The following DDA1 variants were observed in gnomAD, a reference collection of about 807,000 sequenced individuals.
DDA1 encodes the protein DET1 and DDB1 associated 1.
Under a neutral mutation model 18.6 loss-of-function variants are expected in DDA1, and 3 were observed. That is an observed-to-expected ratio of 0.16 (90% CI 0.07 to 0.42). DDA1 has a LOEUF of 0.42. Among genes scored for constraint, DDA1 ranks in the 10% least tolerant of loss-of-function variants. The probability of loss-of-function intolerance (pLI) is 0.99; values close to 1 mark genes in which losing one functional copy is unlikely to be tolerated. For missense variants in DDA1, 105 were observed against 138.2 expected, an observed-to-expected ratio of 0.76 and a Z score of 1.20; for synonymous variants, 52 against 54.0, an observed-to-expected ratio of 0.96 and a Z score of 0.17.
chr19:17,315,659 G>A, intron 3 of DDA1: 1 of 512,936 alleles, frequency 1.9e-6, no homozygotes, highest in Non-Finnish European at 3.5e-6. Flanking sequence ...CTCCTAGTCA[G>A]CCTGGGAGAA....
intron 4 of DDA1, among the ~76,000 whole-genome samples, chr19:17,316,752 C>T (rs1215943945): frequency 1.4e-5 from 2 of 142,508 alleles, no homozygotes; most frequent in African/African-American, 5.3e-5. Flanking sequence ...CTGGTGGGCG[C>T]CTGTAGTCCC....
chr19:17,315,295 T>C (rs35252035), intron 3 of DDA1, among the ~76,000 whole-genome samples: 492 of 31,730 alleles, frequency 0.016, 158 homozygotes, highest in African/African-American at 0.028. Context: ...ACTATATATA[T>C]ACACACGTGT....
At position 17,314,618 on chromosome 19, in the gene DDA1, C is replaced by G. The variant is rs149469579; in HGVS notation, c.136+229C>G. 5.7e-4 allele frequency: 325 copies of G among 569,614 alleles called. No individual in the cohort carries two copies. The highest frequency in any genetic ancestry group is 5.6e-3 in the African/African-American group (299 of 53,114). The allele number at this position is 569,614 out of a possible 1,614,324, so 35.3% of individuals were successfully genotyped here. A position where few individuals can be genotyped will look rare whatever the true frequency, so the allele number is the denominator to read the frequency against. Reference sequence around the variant, plus strand: ...GGATGCACACGTGGATGCCTGTCCACTCCCAGCCCCTGGGGACAGCCAGAA... The same window carrying G: ...GGATGCACACGTGGATGCCTGTCCAGTCCCAGCCCCTGGGGACAGCCAGAA... On this transcript the variant is annotated intron_variant, in intron 3 of 4. Transcript: ENST00000359866. The surrounding 1 kb of genome is among the most constrained non-coding windows in gnomAD (Gnocchi z 4.6).
intron 1 of DDA1, among the ~76,000 whole-genome samples, chr19:17,311,166 GTT>G (rs369590586): frequency 2.7e-5 from 4 of 145,768 alleles, no homozygotes; most frequent in East Asian, 2.0e-4. Flanking sequence ...GAAGGAGGTT[GTT>G]TTTTTTTTTT....
At position 17,315,908 on chromosome 19, in the gene DDA1, C is replaced by T. The variant is rs748906740; in HGVS notation, c.137-26C>T. The T allele has an allele frequency of 4.3e-5, 69 of 1,613,298 alleles. 1 individual carries two copies. In the South Asian group the frequency reaches 6.3e-4, roughly 15 times the overall value. ...GGAGCCTGGGGAGGGGAGGCGTCTG[C>T]GACTTTCTCTATCTTTCCTCCTTAG... is the stretch of plus-strand genomic sequence containing the variant. On this transcript the variant is annotated intron_variant, in intron 3 of 4. Coordinates refer to ENST00000359866, the MANE Select transcript of DDA1 (RefSeq NM_024050.6).
rs563793988 is a variant in DDA1, at chr19:17,320,619, C to T, written c.*963C>T. The T allele has an allele frequency of 1.8e-3, 274 of 152,744 alleles. 2 individuals carry two copies. The highest frequency in any genetic ancestry group is 1.4e-3 in the Non-Finnish European group (99 of 68,336). 9.5% of individuals were successfully genotyped at this position (152,744 alleles called of 1,614,324 possible). A position where few individuals can be genotyped will look rare whatever the true frequency, so the allele number is the denominator to read the frequency against. On this transcript the variant is annotated 3_prime_UTR_variant, in exon 5 of 5. Coordinates refer to ENST00000359866, the MANE Select transcript of DDA1 (RefSeq NM_024050.6). ...ACCTGTCAGACACCGCAGAGATGGC[C>T]GGCCTCATCCGGGGGCCTGGGGTCT... is the stretch of plus-strand genomic sequence containing the variant.
chr19:17,315,830 T>C, intron 3 of DDA1, 104 bp from the exon 4 acceptor site: 1 of 1,039,080 alleles, frequency 9.6e-7, no homozygotes, highest in Non-Finnish European at 1.5e-6. Context: ...TCTCTGGAGT[T>C]GGGGGTACTG....
intron 4 of DDA1, among the ~76,000 whole-genome samples, chr19:17,318,652 C>A (rs1336544049): frequency 6.6e-6 from 1 of 152,036 alleles, no homozygotes; most frequent in Non-Finnish European, 1.5e-5. Flanking sequence ...CAGGTGTGAG[C>A]CACCGCGCCT....
chr19:17,310,530 A>G (rs2074174270), intron 1 of DDA1, among the ~76,000 whole-genome samples: 1 of 151,982 alleles, frequency 6.6e-6, no homozygotes, highest in South Asian at 2.1e-4. Context: ...CCTCTCCACA[A>G]CCCCCATTAG....
intron 1 of DDA1, among the ~76,000 whole-genome samples, chr19:17,310,851 T>C (rs149521265): frequency 5.2e-4 from 79 of 152,340 alleles, no homozygotes; most frequent in Non-Finnish European, 7.8e-4. Context: ...TTGCAGGTAC[T>C]GCCACTTCCC....
intron 4 of DDA1, among the ~76,000 whole-genome samples, chr19:17,317,193 G>T (rs2074217391): frequency 6.6e-6 from 1 of 152,046 alleles, no homozygotes. Context: ...CCACTGCACT[G>T]CAGCCTGGGC....
Position 17,314,707 on chromosome 19 carries a change from G to T in DDA1, c.136+318G>T, listed in dbSNP as rs1409368215. ...TGGGATCCACAGCCAGCCCAAAGGG[G>T]CCCCCAAGTTGTCCCTCATCTGCCA... On this transcript the variant is annotated intron_variant, in intron 3 of 4. Coordinates refer to ENST00000359866, the MANE Select transcript of DDA1 (RefSeq NM_024050.6). This position sits in a 1 kb window ranked among gnomAD's most constrained non-coding sequence, Gnocchi z 4.6. The T allele has an allele frequency of 2.5e-6, 1 of 398,738 alleles. No homozygotes were observed. The highest frequency in any genetic ancestry group is 2.1e-5 in the African/African-American group (1 of 48,776). The allele number at this position is 398,738 out of a possible 1,614,324, so 24.7% of individuals were successfully genotyped here.
chr19:17,309,732 T>TC, intron 1 of DDA1, 75 bp downstream of exon 1: 1 of 1,571,334 alleles, frequency 6.4e-7, no homozygotes, highest in Non-Finnish European at 8.7e-7. Context: ...ACCTCTAGTA[T>TC]CCCCCTAGGC....
Position 17,315,200 on chromosome 19 carries a change from TACACACGTGTATATACACACAC to T in DDA1, c.137-733_137-712del, listed in dbSNP as rs2074200526. 1.5e-4 allele frequency among the ~76,000 whole-genome samples: 2 copies of T among 13,778 alleles called. 1 individual carries two copies. Among genetic ancestry groups the T allele is most frequent in the Non-Finnish European group, 3.6e-4 (2 of 5,630 alleles). 9.0% of individuals were successfully genotyped at this position (13,778 alleles called of 152,430 possible). On this transcript the variant is annotated intron_variant, in intron 3 of 4. Coordinates refer to ENST00000359866, the MANE Select transcript of DDA1 (RefSeq NM_024050.6). ...ACACACGTGTATACACACACGTGTA[TACACACGTGTATATACACACAC>T]GTGTATACACACACACGTGTATATA...
At chr19:17,315,760 T>C (rs1374861288) in intron 3 of DDA1, 174 bp from the exon 4 acceptor site, 10 of 686,338 alleles carry the variant, frequency 1.5e-5, no homozygotes, top group Non-Finnish European at 2.6e-5. Flanking sequence ...AGCAGCTGGC[T>C]CAGGCCTCTG....
At chr19:17,311,433 G>A (rs1440794403) in intron 1 of DDA1, among the ~76,000 whole-genome samples, 1 of 152,164 alleles carries the variant, frequency 6.6e-6, no homozygotes, top group Non-Finnish European at 1.5e-5. Flanking sequence ...GGGAGTACAG[G>A]TGTGAGCCAC....
intron 3 of DDA1, among the ~76,000 whole-genome samples, chr19:17,315,430 A>ATGTGTGTGTGTGTGTGTG (rs1568354219): frequency 4.9e-5 from 2 of 40,914 alleles, no homozygotes; most frequent in African/African-American, 4.4e-4. Context: ...GTGTGTGTGC[A>ATGTGTGTGTGTGTGTGTG]TATATATATA....
Position 17,313,726 on chromosome 19 carries a change from G to A in DDA1, c.4-297G>A, listed in dbSNP as rs539569893. Among the ~76,000 whole-genome samples, 25 of 152,260 alleles carry A rather than the reference G, an allele frequency of 1.6e-4. No individual in the cohort carries two copies. The South Asian group carries it at 4.6e-3, about 28-fold the overall frequency. ...CCAAAGTGCTGGGATTCAGGCGGGAGCCACTGCGGTATGACTTTTAACCAG... is the reference window on the plus strand; with the variant it reads ...CCAAAGTGCTGGGATTCAGGCGGGAACCACTGCGGTATGACTTTTAACCAG... On this transcript the variant is annotated intron_variant, in intron 1 of 4. Transcript: ENST00000359866.
rs78139900 is a variant in DDA1 at position 17,310,298 on chromosome 19, G to A, written c.3+641G>A. ...CTGACGTCGTAAAGGACTCAGGATA[G>A]TGAATGCTCAACAGATGAGCTGGGT... On this transcript the variant is annotated intron_variant, in intron 1 of 4. Transcript: ENST00000359866. 534 of 152,492 alleles carry A rather than the reference G, an allele frequency of 3.5e-3. 4 individuals carry two copies. Among genetic ancestry groups the A allele is most frequent in the Non-Finnish European group, 5.8e-3 (397 of 68,090 alleles). 9.4% of individuals were successfully genotyped at this position (152,492 alleles called of 1,614,324 possible). A position where few individuals can be genotyped will look rare whatever the true frequency, so the allele number is the denominator to read the frequency against.
Sources: gnomAD v4.1 joint callset for allele counts (sites outside exome capture counted in the v4.1 genomes callset) on GRCh38, gnomAD v4.1.1 for gene constraint, Gnocchi (gnomAD v3.1) non-coding constraint, MANE v1.5 for transcripts, NCBI Gene and HGNC (gene_info 2026-07-23, HGNC 2026-07-21) for gene names.